KLF8: variants seen among roughly 807,000 people sequenced by gnomAD.
The protein encoded by KLF8 is Krueppel-like factor 8.
In KLF8, 10 loss-of-function variants were observed where a neutral mutation model predicts 18.2. The ratio of observed to expected loss-of-function variants is 0.55; its 90% CI spans 0.34 to 0.93. KLF8 has a LOEUF of 0.93. KLF8 is among the 40% of genes least tolerant of loss of function. The pLI is 0.02. For missense variants in KLF8, 264 were observed against 277.9 expected, an observed-to-expected ratio of 0.95 and a Z score of 0.36; for synonymous variants, 109 against 97.3, an observed-to-expected ratio of 1.12 and a Z score of -0.71.
intron 5 of KLF8, 120 bp downstream of exon 5, chrX:56,270,441 AAAATTTCT>A: frequency 1.2e-6 from 1 of 857,649 alleles, no homozygotes; most frequent in Non-Finnish European, 1.5e-6. Context: ...AGAGAGAGAG[AAAATTTCT>A]GAGAGACAGA....
chrX:56,250,131 G>C (rs978284461), intron 1 of KLF8, 100 bp from the exon 2 acceptor site: 1 of 580,231 alleles, frequency 1.7e-6, no homozygotes, highest in Middle Eastern at 3.4e-4. Flanking sequence ...AGCACTGAAA[G>C]ATAAAGGTCA....
At chrX:56,151,381 G>C in the KLF8 span, among the ~76,000 whole-genome samples, 1 of 111,799 alleles carries the variant, frequency 8.9e-6, no homozygotes, top group African/African-American at 3.2e-5. Context: ...AGTGGTTATT[G>C]CAAGTACAGA....
the KLF8 span, among the ~76,000 whole-genome samples, chrX:56,016,053 C>A: frequency 1.4e-3 from 158 of 111,742 alleles, 1 homozygote; most frequent in African/African-American, 4.5e-3. Flanking sequence ...TTTTTTGGAG[C>A]ATTTGCTTCT....
the KLF8 span, among the ~76,000 whole-genome samples, chrX:56,205,808 T>A: frequency 8.9e-6 from 1 of 112,160 alleles, no homozygotes; most frequent in African/African-American, 3.2e-5. Context: ...ACTGGGAGAC[T>A]TTTTAATACA....
chrX:56,038,903 C>CT, the KLF8 span, among the ~76,000 whole-genome samples: 1 of 112,092 alleles, frequency 8.9e-6, no homozygotes, highest in Non-Finnish European at 1.9e-5. Flanking sequence ...TTTAGCCATT[C>CT]TGACTATCGT....
At chrX:56,175,192 G>T in the KLF8 span, among the ~76,000 whole-genome samples, 3 of 111,587 alleles carry the variant, frequency 2.7e-5, no homozygotes, top group South Asian at 7.5e-4. Context: ...TGATGTTAGG[G>T]TGTCAATTTT....
chrX:56,011,463 G>A, the KLF8 span, among the ~76,000 whole-genome samples: 3 of 111,359 alleles, frequency 2.7e-5, no homozygotes, highest in Admixed American at 2.9e-4. Flanking sequence ...ATGCAGCAAT[G>A]TTGAGGGAAA....
the KLF8 span, chrX:55,961,481 A>G: frequency 1.8e-6 from 1 of 549,152 alleles, no homozygotes; most frequent in African/African-American, 2.2e-5. Flanking sequence ...AAAAATTTGG[A>G]CAAAGAATAC....
At chrX:56,173,612 G>A in the KLF8 span, among the ~76,000 whole-genome samples, 1 of 112,005 alleles carries the variant, frequency 8.9e-6, no homozygotes, top group African/African-American at 3.2e-5. Context: ...GAACTTTAAA[G>A]TAGTTTTTTC....
At chrX:56,187,741 T>A in the KLF8 span, among the ~76,000 whole-genome samples, 1 of 110,995 alleles carries the variant, frequency 9.0e-6, no homozygotes, top group Non-Finnish European at 1.9e-5. Flanking sequence ...ATAAATGTAA[T>A]CCAGCATATA....
At chrX:56,204,462 A>T in the KLF8 span, among the ~76,000 whole-genome samples, 2 of 111,598 alleles carry the variant, frequency 1.8e-5, no homozygotes, top group Non-Finnish European at 3.8e-5. Flanking sequence ...ACTACGTATA[A>T]GAACAGCATT....
At chrX:56,222,418 G>A in the KLF8 span, among the ~76,000 whole-genome samples, 11 of 112,197 alleles carry the variant, frequency 9.8e-5, no homozygotes, top group South Asian at 7.4e-4. Flanking sequence ...GACACAGGGC[G>A]CTGATTGGTG....
the KLF8 span, among the ~76,000 whole-genome samples, chrX:55,948,666 A>T: frequency 9.0e-6 from 1 of 111,119 alleles, no homozygotes; most frequent in Non-Finnish European, 1.9e-5. Context: ...GGCCACCAAG[A>T]CATCACCAAC....
At chrX:56,128,669 C>T in the KLF8 span, among the ~76,000 whole-genome samples, 1 of 111,059 alleles carries the variant, frequency 9.0e-6, no homozygotes, top group Non-Finnish European at 1.9e-5. Context: ...GGTTTTGCAC[C>T]CATCTATAAG....
chrX:55,996,662 C>T, the KLF8 span, among the ~76,000 whole-genome samples: 1 of 111,788 alleles, frequency 8.9e-6, no homozygotes, highest in African/African-American at 3.3e-5. Context: ...GGGCTGCATA[C>T]TCTAATTCTG....
At chrX:56,105,290 A>G in the KLF8 span, among the ~76,000 whole-genome samples, 1 of 111,408 alleles carries the variant, frequency 9.0e-6, no homozygotes, top group Non-Finnish European at 1.9e-5. Context: ...TGTCTCATTG[A>G]TCTGTCTAAT....
the KLF8 span, among the ~76,000 whole-genome samples, chrX:56,091,158 C>T: frequency 9.0e-6 from 1 of 111,112 alleles, no homozygotes; most frequent in South Asian, 3.9e-4. Flanking sequence ...AGGGTGGGAC[C>T]TGGTGAGAGG....
the KLF8 span, among the ~76,000 whole-genome samples, chrX:56,105,555 T>A: frequency 1.8e-5 from 2 of 109,615 alleles, no homozygotes; most frequent in Non-Finnish European, 3.8e-5. Context: ...TTCTTTCCAT[T>A]TGCTTGGTAG....
At chrX:56,244,103 G>A (rs758371092) in intron 1 of KLF8, among the ~76,000 whole-genome samples, 2 of 112,264 alleles carry the variant, frequency 1.8e-5, no homozygotes, top group Non-Finnish European at 3.8e-5. Context: ...AGACTACTGA[G>A]GTTTAAATCT....
Sources: allele counts gnomAD v4.1 joint callset (sites outside exome capture counted in the v4.1 genomes callset), GRCh38; gene constraint gnomAD v4.1.1; transcripts MANE v1.5; gene names NCBI Gene and HGNC (gene_info 2026-07-23, HGNC 2026-07-21).